THSD4: variants seen among roughly 807,000 people sequenced by gnomAD.
THSD4 encodes thrombospondin type-1 domain-containing protein 4.
Under a neutral mutation model 119.0 loss-of-function variants are expected in THSD4, and 69 were observed. The ratio of observed to expected loss-of-function variants is 0.58; its 90% CI spans 0.48 to 0.71. The LOEUF is 0.71. Ranked by LOEUF, THSD4 falls within the 30% of genes least tolerant of loss-of-function variation. The pLI, the probability that THSD4 is intolerant of heterozygous loss-of-function variation, is 0.00. For synonymous variants in THSD4, 524 were observed against 540.4 expected (o/e 0.97, Z 0.42); for missense variants, 1,393 against 1,391.1 (o/e 1.00, Z -0.02).
chr15:71,771,877 A>C (rs2053829122), intron 17 of THSD4, among the ~76,000 whole-genome samples: 1 of 152,198 alleles, frequency 6.6e-6, no homozygotes, highest in African/African-American at 2.4e-5. Flanking sequence ...GCTGCGGTTC[A>C]TGAGGAAGGG....
intron 11 of THSD4, among the ~76,000 whole-genome samples, chr15:71,743,282 T>A (rs1168900040): frequency 6.6e-6 from 1 of 152,176 alleles, no homozygotes; most frequent in Non-Finnish European, 1.5e-5. Context: ...ATTAAAAAAA[T>A]TTGATTTCTC....
At chr15:71,272,272 G>A (rs1596307410) in intron 6 of THSD4, among the ~76,000 whole-genome samples, 1 of 151,494 alleles carries the variant, frequency 6.6e-6, no homozygotes, top group African/African-American at 2.4e-5. Flanking sequence ...GTGGTGGCAC[G>A]CACCTGTAGT....
At chr15:71,220,494 A>G (rs778899270) in intron 4 of THSD4, among the ~76,000 whole-genome samples, 1 of 152,184 alleles carries the variant, frequency 6.6e-6, no homozygotes, top group East Asian at 1.9e-4. Context: ...CATCTTTCAA[A>G]TGAGAGTAAT....
chr15:71,446,173 C>T (rs2047178708), intron 7 of THSD4, among the ~76,000 whole-genome samples: 3 of 152,214 alleles, frequency 2.0e-5, no homozygotes, highest in African/African-American at 4.8e-5. Flanking sequence ...GTGAAACTGT[C>T]CCAAGGAAAC....
chr15:71,114,363 T>C (rs1392653133), upstream of THSD4, among the ~76,000 whole-genome samples: 3 of 152,162 alleles, frequency 2.0e-5, no homozygotes, highest in African/African-American at 7.2e-5. Flanking sequence ...CCTCTCGGTA[T>C]ACCTGCACTT....
chr15:71,602,218 T>C (rs922886066), intron 7 of THSD4, among the ~76,000 whole-genome samples: 5 of 152,114 alleles, frequency 3.3e-5, no homozygotes, highest in Non-Finnish European at 7.3e-5. Flanking sequence ...TAGCAACTTA[T>C]TATAGTCCTC....
intron 3 of THSD4, among the ~76,000 whole-genome samples, chr15:71,169,455 C>T (rs2043331166): frequency 1.3e-5 from 2 of 152,086 alleles, no homozygotes; most frequent in Non-Finnish European, 2.9e-5. Flanking sequence ...CATATATCCA[C>T]CAAAACACAT....
chr15:71,217,432 C>T (rs978344519), intron 4 of THSD4, among the ~76,000 whole-genome samples: 8 of 151,936 alleles, frequency 5.3e-5, no homozygotes, highest in Non-Finnish European at 1.2e-4. Flanking sequence ...CCTGGCTAAA[C>T]GTGGTGAAAC....
chr15:71,375,863 C>A (rs1304449262), intron 6 of THSD4, among the ~76,000 whole-genome samples: 1 of 152,140 alleles, frequency 6.6e-6, no homozygotes, highest in East Asian at 1.9e-4. Flanking sequence ...AGGACCCTGG[C>A]AATCTGGGTT....
intron 8 of THSD4, among the ~76,000 whole-genome samples, chr15:71,690,842 T>G (rs1359283436): frequency 6.6e-6 from 1 of 152,192 alleles, no homozygotes; most frequent in East Asian, 1.9e-4. Flanking sequence ...CCTGCCCCCA[T>G]GATTCAATTA....
At chr15:71,130,496 G>A (rs2040493654) in intron 1 of THSD4, among the ~76,000 whole-genome samples, 1 of 151,674 alleles carries the variant, frequency 6.6e-6, no homozygotes, top group Admixed American at 6.6e-5. Flanking sequence ...CTGAGAGGCA[G>A]TTTAATTTAG....
intron 7 of THSD4, among the ~76,000 whole-genome samples, chr15:71,658,844 G>C (rs1263981744): frequency 6.6e-6 from 1 of 152,174 alleles, no homozygotes; most frequent in Non-Finnish European, 1.5e-5. Context: ...TTTGTGAAGA[G>C]AGACCAGTCA....
At chr15:71,389,003 T>A (rs929251710) in intron 6 of THSD4, among the ~76,000 whole-genome samples, 3 of 152,074 alleles carry the variant, frequency 2.0e-5, no homozygotes, top group African/African-American at 7.2e-5. Context: ...TTTGCTTGGT[T>A]CTCATTCTCT....
intron 3 of THSD4, among the ~76,000 whole-genome samples, chr15:71,184,416 C>T (rs764153522): frequency 1.3e-5 from 2 of 151,704 alleles, no homozygotes; most frequent in Admixed American, 6.6e-5. Context: ...CTCCATGCCC[C>T]GTGCCCTTGT....
At chr15:71,231,048 G>A (rs1021541873) in intron 4 of THSD4, among the ~76,000 whole-genome samples, 18 of 152,070 alleles carry the variant, frequency 1.2e-4, no homozygotes, top group East Asian at 1.9e-4. Context: ...TCACTTGTCC[G>A]TATTCCACTC....
At chr15:71,232,950 C>A (rs753575882) in intron 4 of THSD4, among the ~76,000 whole-genome samples, 3 of 152,216 alleles carry the variant, frequency 2.0e-5, no homozygotes, top group Non-Finnish European at 2.9e-5. Context: ...TCTTAGCCTA[C>A]TGGGAATGCG....
At position 71,418,515 on chromosome 15, in the gene THSD4, CAT is replaced by C. The variant is rs2046780779; in HGVS notation, c.1152+6695_1152+6696del. Among the ~76,000 whole-genome samples, 2 of 108,926 alleles carry C rather than the reference CAT, an allele frequency of 1.8e-5. 1 individual carries two copies. The highest frequency in any genetic ancestry group is 5.7e-4 in the South Asian group (2 of 3,532). The allele number at this position is 108,926 out of a possible 152,430, so 71.5% of individuals were successfully genotyped here. On this transcript the variant is annotated intron_variant, in intron 7 of 17. Coordinates refer to ENST00000261862, the MANE Select transcript of THSD4 (RefSeq NM_024817.3). ...CTTTTATTGACATCAATTGAAAGGT[CAT>C]ATGGTTTTTGTCCTTCATTCTGTTG...
intron 7 of THSD4, among the ~76,000 whole-genome samples, chr15:71,465,441 C>G (rs948299034): frequency 6.6e-6 from 1 of 152,126 alleles, no homozygotes; most frequent in Non-Finnish European, 1.5e-5. Flanking sequence ...TTCCTGCTAC[C>G]TTTTGGGGGT....
At chr15:71,371,507 G>A (rs1431492852) in intron 6 of THSD4, among the ~76,000 whole-genome samples, 2 of 152,148 alleles carry the variant, frequency 1.3e-5, no homozygotes, top group Admixed American at 6.5e-5. Flanking sequence ...TTGCTTGTCT[G>A]TAAAGGATTT....
Sources: allele counts gnomAD v4.1 joint callset (sites outside exome capture counted in the v4.1 genomes callset), GRCh38; gene constraint gnomAD v4.1.1; transcripts MANE v1.5; gene names NCBI Gene and HGNC (gene_info 2026-07-23, HGNC 2026-07-21).